Variants in FAM81A observed in about 807,000 individuals in gnomAD.
The protein encoded by FAM81A is family with sequence similarity 81 member A.
FAM81A carries 19 observed loss-of-function variants against 46.7 expected under a neutral mutation model. The observed-to-expected ratio is 0.41, with a 90% CI of 0.28 to 0.60. The LOEUF is 0.60. Among genes scored for constraint, FAM81A ranks in the 20% least tolerant of loss-of-function variants. The pLI, the probability that FAM81A is intolerant of heterozygous loss-of-function variation, is 0.34. For synonymous variants in FAM81A, 183 were observed against 152.9 expected (o/e 1.20, Z -1.45); for missense variants, 377 against 453.5 (o/e 0.83, Z 1.53).
chr15:59,492,446 A>T, intron 4 of FAM81A, 57 bp downstream of exon 4: 1 of 1,371,370 alleles, frequency 7.3e-7, no homozygotes, highest in Non-Finnish European at 1.0e-6. Context: ...TATAAACTCC[A>T]TTATAGTGGG....
At chr15:59,511,020 C>T (rs1373203516) in intron 6 of FAM81A, among the ~76,000 whole-genome samples, 3 of 151,780 alleles carry the variant, frequency 2.0e-5, no homozygotes, top group East Asian at 3.9e-4. Flanking sequence ...CACCTGAACC[C>T]AGGAGGTGGA....
chr15:59,447,463 G>A (rs1465744710), intron 1 of FAM81A, among the ~76,000 whole-genome samples: 2 of 152,190 alleles, frequency 1.3e-5, no homozygotes, highest in Non-Finnish European at 2.9e-5. Context: ...TCTGGTCAGG[G>A]GTGGTGAGAG....
intron 3 of FAM81A, among the ~76,000 whole-genome samples, chr15:59,462,866 GTCATA>G (rs2081569595): frequency 6.6e-6 from 1 of 152,068 alleles, no homozygotes; most frequent in Admixed American, 6.6e-5. Context: ...TGGGTTATTT[GTCATA>G]TTATTGATAA....
chr15:59,504,485 A>C (rs1438015131), intron 4 of FAM81A, among the ~76,000 whole-genome samples: 2 of 152,206 alleles, frequency 1.3e-5, no homozygotes, highest in Non-Finnish European at 2.9e-5. Flanking sequence ...AGTTGTTGCA[A>C]AGTAAGAGTC....
intron 3 of FAM81A, among the ~76,000 whole-genome samples, chr15:59,466,402 C>G (rs1295091978): frequency 1.3e-5 from 2 of 151,648 alleles, no homozygotes; most frequent in Non-Finnish European, 2.9e-5. Flanking sequence ...GCCATTCTAA[C>G]TGGCGTGAGA....
In FAM81A at chr15:59,497,120, A is replaced by G. The variant is rs2082042192; in HGVS notation, c.413+4731A>G. ...GGTGACAGAGCAAAACTTTGTCTCA[A>G]ATTTAAAAAAGAAGAAGAAGAAGAA... On this transcript the variant is annotated intron_variant, in intron 4 of 8. Coordinates refer to ENST00000288228, the MANE Select transcript of FAM81A (RefSeq NM_152450.3). Among the ~76,000 whole-genome samples the G allele has an allele frequency of 2.0e-5, 3 of 149,298 alleles. No homozygotes were observed. The South Asian group carries it at 6.4e-4, about 32-fold the overall frequency.
intron 4 of FAM81A, among the ~76,000 whole-genome samples, chr15:59,502,306 A>G (rs1043650194): frequency 6.6e-6 from 1 of 151,770 alleles, no homozygotes; most frequent in Admixed American, 6.6e-5. Context: ...AGCATTAGGT[A>G]TATCTCCTAA....
At chr15:59,423,377 C>T (rs2081182976) in intron 2 of FAM81A, among the ~76,000 whole-genome samples, 1 of 152,224 alleles carries the variant, frequency 6.6e-6, no homozygotes, top group Non-Finnish European at 1.5e-5. Flanking sequence ...GGATTACAGG[C>T]GTGAGCCATC....
At chr15:59,414,517 G>C (rs375345871) in intron 2 of FAM81A, among the ~76,000 whole-genome samples, 10 of 152,312 alleles carry the variant, frequency 6.6e-5, no homozygotes, top group African/African-American at 2.4e-4. Context: ...TTAGGAGAGA[G>C]TAAGTGATTT....
At chr15:59,467,159 C>G (rs532614427) in intron 3 of FAM81A, among the ~76,000 whole-genome samples, 2 of 152,208 alleles carry the variant, frequency 1.3e-5, no homozygotes, top group East Asian at 3.9e-4. Context: ...CAGCTTTGTT[C>G]TTTTTGCTTA....
chr15:59,474,410 A>G (rs2081739886), intron 3 of FAM81A, among the ~76,000 whole-genome samples: 1 of 152,214 alleles, frequency 6.6e-6, no homozygotes, highest in Non-Finnish European at 1.5e-5. Flanking sequence ...CTGCATGCTT[A>G]CATGGCAGAA....
chr15:59,435,448 CCT>C (rs2081239124), upstream of FAM81A, among the ~76,000 whole-genome samples: 1 of 151,884 alleles, frequency 6.6e-6, no homozygotes, highest in African/African-American at 2.4e-5. Flanking sequence ...GGCAAAACCC[CCT>C]CTCTACTAAA....
chr15:59,456,894 GT>G (rs1252786535), intron 1 of FAM81A, among the ~76,000 whole-genome samples: 1 of 152,074 alleles, frequency 6.6e-6, no homozygotes, highest in Admixed American at 6.6e-5. Context: ...TTGTTTTCTG[GT>G]TGGTTTAGAT....
chr15:59,403,101 C>T (rs1241277790), intron 2 of FAM81A, among the ~76,000 whole-genome samples: 1 of 152,120 alleles, frequency 6.6e-6, no homozygotes, highest in Non-Finnish European at 1.5e-5. Context: ...ACTGTCTTTA[C>T]CTCATGCTCC....
intron 3 of FAM81A, among the ~76,000 whole-genome samples, chr15:59,461,500 T>C (rs2081551000): frequency 6.6e-6 from 1 of 152,170 alleles, no homozygotes; most frequent in Non-Finnish European, 1.5e-5. Context: ...ATAGTATTTT[T>C]TGTAGAGACA....
chr15:59,481,324 A>G (rs1490775363), intron 3 of FAM81A, among the ~76,000 whole-genome samples: 1 of 152,164 alleles, frequency 6.6e-6, no homozygotes, highest in African/African-American at 2.4e-5. Context: ...ACAATACCTT[A>G]TTAATCTGCA....
chr15:59,497,780 A>C (rs1393145486), intron 4 of FAM81A, among the ~76,000 whole-genome samples: 1 of 152,180 alleles, frequency 6.6e-6, no homozygotes, highest in Non-Finnish European at 1.5e-5. Flanking sequence ...GCAGGGAGCT[A>C]TGATCATATC....
At chr15:59,401,711 G>C (rs916281356) in intron 1 of FAM81A, 2 of 776,646 alleles carry the variant, frequency 2.6e-6, no homozygotes, top group Admixed American at 1.7e-5. Flanking sequence ...TTTAGCTCGA[G>C]ATTGTCCCTC....
intron 3 of FAM81A, among the ~76,000 whole-genome samples, chr15:59,466,921 A>C (rs1187558505): frequency 6.6e-6 from 1 of 152,210 alleles, no homozygotes; most frequent in Non-Finnish European, 1.5e-5. Context: ...AGCTTTCTGC[A>C]TATGGCTAGC....
Sources: allele counts gnomAD v4.1 joint callset (sites outside exome capture counted in the v4.1 genomes callset), GRCh38; gene constraint gnomAD v4.1.1; transcripts MANE v1.5; gene names NCBI Gene and HGNC (gene_info 2026-07-23, HGNC 2026-07-21).